Variants in OPCML observed in about 807,000 individuals in gnomAD.
The protein encoded by OPCML is opioid binding protein/cell adhesion molecule like.
In OPCML, 13 loss-of-function variants were observed where a neutral mutation model predicts 37.8. The ratio of observed to expected loss-of-function variants is 0.34; its 90% CI spans 0.22 to 0.55. The LOEUF is 0.55. Ranked by LOEUF, OPCML falls within the 20% of genes least tolerant of loss-of-function variation. The pLI is 0.91. For synonymous variants in OPCML, 176 were observed against 168.8 expected, an observed-to-expected ratio of 1.04 and a Z score of -0.33; for missense variants, 341 against 435.6, an observed-to-expected ratio of 0.78 and a Z score of 1.93.
chr11:133,371,394 A>T (rs1367639861), intron 1 of OPCML, among the ~76,000 whole-genome samples: 1 of 152,232 alleles, frequency 6.6e-6, no homozygotes, highest in Non-Finnish European at 1.5e-5. Context: ...AATAGCAAAG[A>T]TAAGTAACAT....
intron 1 of OPCML, among the ~76,000 whole-genome samples, chr11:133,453,139 A>T (rs569117807): frequency 1.3e-5 from 2 of 152,204 alleles, no homozygotes; most frequent in Non-Finnish European, 2.9e-5. Flanking sequence ...TTGCATTTGG[A>T]AATCAAAACA....
At chr11:132,479,549 T>G (rs2096170808) in intron 4 of OPCML, among the ~76,000 whole-genome samples, 1 of 152,208 alleles carries the variant, frequency 6.6e-6, no homozygotes. Context: ...TGCCTGCCTC[T>G]GTAGGCTCCA....
intron 1 of OPCML, among the ~76,000 whole-genome samples, chr11:133,346,904 G>A (rs1000663653): frequency 9.2e-5 from 14 of 151,912 alleles, no homozygotes; most frequent in African/African-American, 1.9e-4. Context: ...GATTTGATGC[G>A]GATCTTCTAT....
chr11:132,715,859 C>T (rs1264510363), intron 2 of OPCML, among the ~76,000 whole-genome samples: 3 of 152,158 alleles, frequency 2.0e-5, no homozygotes, highest in Admixed American at 6.5e-5. Flanking sequence ...ATGATACCTA[C>T]CTTACAAATT....
At chr11:132,745,705 G>C (rs1945608949) in intron 2 of OPCML, among the ~76,000 whole-genome samples, 1 of 152,066 alleles carries the variant, frequency 6.6e-6, no homozygotes, top group African/African-American at 2.4e-5. Flanking sequence ...GCAGCCTCCA[G>C]AGCTATTTCA....
chr11:133,487,737 T>C (rs910380563), intron 1 of OPCML, among the ~76,000 whole-genome samples: 1 of 152,006 alleles, frequency 6.6e-6, no homozygotes, highest in South Asian at 2.1e-4. Flanking sequence ...ATGTGTGATC[T>C]GATTGGGAAA....
rs1591707897 is a variant in OPCML, at chr11:132,855,410, T to C, written c.146+87516A>G. Among the ~76,000 whole-genome samples, 3 of 152,282 alleles carry C rather than the reference T, an allele frequency of 2.0e-5. No individual in the cohort carries two copies. The South Asian group carries it at 6.2e-4, about 32-fold the overall frequency. On this transcript the variant is annotated intron_variant, in intron 2 of 7. Transcript: ENST00000524381. Reference sequence around the variant, plus strand: ...GAGGCTGATTTGAGTAATAATAAATTCCTCTTCTCCACTTGGCTCACCGTG... The same window carrying C: ...GAGGCTGATTTGAGTAATAATAAATCCCTCTTCTCCACTTGGCTCACCGTG...
chr11:132,542,151 G>A (rs1254484891), intron 3 of OPCML, among the ~76,000 whole-genome samples: 1 of 152,080 alleles, frequency 6.6e-6, no homozygotes, highest in African/African-American at 2.4e-5. Flanking sequence ...CTCACCAATG[G>A]TCCCTGATGC....
intron 2 of OPCML, among the ~76,000 whole-genome samples, chr11:132,810,102 G>A (rs1442463325): frequency 6.6e-6 from 1 of 152,086 alleles, no homozygotes; most frequent in Non-Finnish European, 1.5e-5. Context: ...GCCCGCCTCA[G>A]CCTCCCAAAG....
intron 1 of OPCML, among the ~76,000 whole-genome samples, chr11:133,190,360 G>A (rs954555768): frequency 1.3e-5 from 2 of 152,220 alleles, no homozygotes; most frequent in African/African-American, 4.8e-5. Context: ...TATCAAAAAT[G>A]TTGTGGTAAT....
intron 2 of OPCML, among the ~76,000 whole-genome samples, chr11:132,813,742 C>T (rs1939475759): frequency 6.6e-6 from 1 of 152,100 alleles, no homozygotes; most frequent in Non-Finnish European, 1.5e-5. Context: ...TTCTGCCAAC[C>T]TTGAACTACT....
At chr11:133,000,134 G>A (rs1009746182) in intron 1 of OPCML, among the ~76,000 whole-genome samples, 23 of 152,278 alleles carry the variant, frequency 1.5e-4, no homozygotes, top group African/African-American at 5.5e-4. Flanking sequence ...TCGGCTCACT[G>A]CAACCTCTGC....
chr11:132,716,681 G>C (rs1465853980), intron 2 of OPCML, among the ~76,000 whole-genome samples: 1 of 152,132 alleles, frequency 6.6e-6, no homozygotes. Context: ...CACAGAAGTA[G>C]ATGTAATTTC....
At chr11:132,792,191 T>C (rs1006799994) in intron 2 of OPCML, among the ~76,000 whole-genome samples, 2 of 152,206 alleles carry the variant, frequency 1.3e-5, no homozygotes, top group African/African-American at 4.8e-5. Flanking sequence ...CTTTACAATA[T>C]TAAAATGCAG....
intron 1 of OPCML, chr11:133,421,856 C>T (rs942339706): frequency 3.9e-6 from 3 of 766,548 alleles, no homozygotes; most frequent in African/African-American, 1.9e-5. Flanking sequence ...TGTAACCTCT[C>T]GGAATTCCTG....
intron 1 of OPCML, among the ~76,000 whole-genome samples, chr11:133,081,402 C>T (rs539707035): frequency 9.8e-5 from 15 of 152,324 alleles, no homozygotes; most frequent in Middle Eastern, 3.4e-3. Flanking sequence ...TGATGATTCT[C>T]TGCTTTCCCA....
At chr11:133,350,582 G>A (rs1169312461) in intron 1 of OPCML, among the ~76,000 whole-genome samples, 2 of 152,042 alleles carry the variant, frequency 1.3e-5, no homozygotes, top group African/African-American at 2.4e-5. Flanking sequence ...ATCCCAAATG[G>A]GAATGGGAAG....
chr11:133,183,939 G>T (rs888324342), intron 1 of OPCML, among the ~76,000 whole-genome samples: 17 of 152,288 alleles, frequency 1.1e-4, no homozygotes, highest in African/African-American at 4.1e-4. Context: ...TCACACGGGA[G>T]ATTAACCAAT....
At position 132,852,178 on chromosome 11, in the gene OPCML, C is replaced by A. The variant is rs1219833892; in HGVS notation, c.146+90748G>T. ...TATTTTAGTTACATTTTTGCAGTTG[C>A]CTTTCTTTGCTCAACCTAGTATATA... On this transcript the variant is annotated intron_variant, in intron 2 of 7. Coordinates refer to ENST00000524381, the MANE Select transcript of OPCML (RefSeq NM_001012393.5). Among the ~76,000 whole-genome samples the A allele has an allele frequency of 2.0e-5, 3 of 152,216 alleles. No individual in the cohort carries two copies. The East Asian group carries it at 5.8e-4, about 29-fold the overall frequency.
Sources: gnomAD v4.1 joint callset for allele counts (sites outside exome capture counted in the v4.1 genomes callset) on GRCh38, gnomAD v4.1.1 for gene constraint, MANE v1.5 for transcripts, NCBI Gene and HGNC (gene_info 2026-07-23, HGNC 2026-07-21) for gene names.